PCSK6: variants seen among roughly 807,000 people sequenced by gnomAD.
PCSK6 encodes proprotein convertase subtilisin/kexin type 6.
PCSK6 carries 85 observed loss-of-function variants against 123.3 expected under a neutral mutation model. The observed-to-expected ratio is 0.69, with a 90% CI of 0.58 to 0.83. The LOEUF (loss-of-function observed/expected upper bound fraction) is 0.83. Ranked by LOEUF, PCSK6 falls within the 40% of genes least tolerant of loss-of-function variation. The probability of loss-of-function intolerance (pLI) is 0.00; values close to 1 mark genes in which losing one functional copy is unlikely to be tolerated. For missense variants in PCSK6, 1,191 were observed against 1,282.3 expected (o/e 0.93, Z 1.09); for synonymous variants, 508 against 516.0 (o/e 0.98, Z 0.21).
chr15:101,324,820 A>G, intron 17 of PCSK6, 30 bp downstream of exon 17: 1 of 1,574,354 alleles, frequency 6.4e-7, no homozygotes, highest in Non-Finnish European at 8.7e-7. Flanking sequence ...CTGGCTCATC[A>G]GTTCTTGTAC....
intron 1 of PCSK6, among the ~76,000 whole-genome samples, chr15:101,463,874 A>AC (rs1401082048): frequency 2.0e-5 from 3 of 152,192 alleles, no homozygotes; most frequent in Non-Finnish European, 2.9e-5. Context: ...AAGGGGAAAA[A>AC]GAAATTGAAA....
chr15:101,344,037 C>G (rs995690046), intron 13 of PCSK6, among the ~76,000 whole-genome samples: 37 of 152,052 alleles, frequency 2.4e-4, no homozygotes, highest in Middle Eastern at 3.4e-3. Flanking sequence ...GATTGCGTCA[C>G]TGCACTCCAG....
chr15:101,328,545 G>C (rs375717576), intron 15 of PCSK6, among the ~76,000 whole-genome samples: 14 of 152,284 alleles, frequency 9.2e-5, no homozygotes, highest in African/African-American at 3.4e-4. Flanking sequence ...CCTCGGAGGA[G>C]GACAGCCTTG....
intron 13 of PCSK6, among the ~76,000 whole-genome samples, chr15:101,332,943 TTGACTTTACAA>T (rs2040400640): frequency 6.6e-6 from 1 of 152,248 alleles, no homozygotes; most frequent in Non-Finnish European, 1.5e-5. Context: ...TTACAATTTT[TTGACTTTACAA>T]TGGTGTGGAA....
chr15:101,460,856 A>G (rs2057325499), intron 1 of PCSK6, among the ~76,000 whole-genome samples: 1 of 152,222 alleles, frequency 6.6e-6, no homozygotes, highest in Admixed American at 6.5e-5. Context: ...AATGATAATG[A>G]AAATACTATT....
In PCSK6 at chr15:101,489,683, C is replaced by G; in HGVS notation, c.-13G>C. The G allele has an allele frequency of 1.0e-6, 1 of 972,854 alleles. No individual in the cohort carries two copies. 60.3% of individuals were successfully genotyped at this position (972,854 alleles called of 1,614,324 possible). A position where few individuals can be genotyped will look rare whatever the true frequency, so the allele number is the denominator to read the frequency against. On this transcript the variant is annotated 5_prime_UTR_variant, in exon 1 of 22. Coordinates refer to ENST00000611716, the MANE Select transcript of PCSK6 (RefSeq NM_002570.5). ...CGCGCGGAGGCATAGCGGCGACAGGCTCGCGCGGCGCCCGAGCTGCGAGTG... is the reference window on the plus strand; with the variant it reads ...CGCGCGGAGGCATAGCGGCGACAGGGTCGCGCGGCGCCCGAGCTGCGAGTG...
chr15:101,316,052 T>C (rs2039984114), intron 19 of PCSK6, among the ~76,000 whole-genome samples: 1 of 152,086 alleles, frequency 6.6e-6, no homozygotes, highest in African/African-American at 2.4e-5. Context: ...ACAGCAGTGG[T>C]CACTGAATGG....
At chr15:101,327,372 C>A (rs117316411) in intron 15 of PCSK6, among the ~76,000 whole-genome samples, 4 of 152,166 alleles carry the variant, frequency 2.6e-5, no homozygotes, top group Admixed American at 1.3e-4. Flanking sequence ...GGGCGGGGCA[C>A]GCTGCAGGGG....
intron 13 of PCSK6, among the ~76,000 whole-genome samples, chr15:101,353,871 C>G (rs2040966092): frequency 6.6e-6 from 1 of 152,202 alleles, no homozygotes; most frequent in African/African-American, 2.4e-5. Context: ...CAGTCAGGCT[C>G]TGGGTGGAGG....
chr15:101,319,466 A>G (rs2040067488), intron 18 of PCSK6, among the ~76,000 whole-genome samples: 1 of 152,238 alleles, frequency 6.6e-6, no homozygotes, highest in African/African-American at 2.4e-5. Flanking sequence ...AACCCTTGGA[A>G]TTATCAAAGT....
At chr15:101,455,723 C>T (rs961872898) in intron 1 of PCSK6, among the ~76,000 whole-genome samples, 3 of 152,198 alleles carry the variant, frequency 2.0e-5, no homozygotes, top group Non-Finnish European at 4.4e-5. Flanking sequence ...TAAAACCAGG[C>T]ACAGAGAAAC....
intron 13 of PCSK6, among the ~76,000 whole-genome samples, chr15:101,341,705 A>C (rs1251797475): frequency 6.6e-6 from 1 of 152,248 alleles, no homozygotes; most frequent in African/African-American, 2.4e-5. Flanking sequence ...CCAGAAGCCC[A>C]GTTTGATAAG....
chr15:101,304,916 C>T lies in PCSK6; in HGVS notation c.*342G>A, dbSNP rs1473329650. ...GAGAAGAGTGATGTGTGATGCCAAG[C>T]GCCTTTCTTTTCTGCTTTGGTCTTG... is the stretch of plus-strand genomic sequence containing the variant. On this transcript the variant is annotated 3_prime_UTR_variant, in exon 22 of 22. Transcript: ENST00000611716. 2 of 230,278 alleles carry T rather than the reference C, an allele frequency of 8.7e-6. No individual in the cohort carries two copies. Among genetic ancestry groups the T allele is most frequent in the Admixed American group, 1.1e-4 (2 of 18,966 alleles). 14.3% of individuals were successfully genotyped at this position (230,278 alleles called of 1,614,324 possible). A position where few individuals can be genotyped will look rare whatever the true frequency, so the allele number is the denominator to read the frequency against.
intron 7 of PCSK6, among the ~76,000 whole-genome samples, chr15:101,394,744 G>A (rs186444467): frequency 7.8e-4 from 119 of 152,338 alleles, no homozygotes; most frequent in East Asian, 2.7e-3. Context: ...GAGTGGACCC[G>A]CCTGCTCTGT....
intron 13 of PCSK6, chr15:101,347,342 T>A: frequency 1.6e-6 from 2 of 1,239,182 alleles, no homozygotes; most frequent in Non-Finnish European, 2.0e-6. Context: ...ATGAGAACAG[T>A]TATGCTCTTG....
chr15:101,347,134 A>C (rs1212560494), intron 13 of PCSK6: 1 of 1,231,844 alleles, frequency 8.1e-7, no homozygotes, highest in East Asian at 3.2e-5. Flanking sequence ...TGCACTTTCC[A>C]GAAATGAGAG....
At position 101,344,532 on chromosome 15, in the gene PCSK6, T is replaced by G. The variant is rs757445465; in HGVS notation, c.1859-12501A>C. 2.6e-4 allele frequency among the ~76,000 whole-genome samples: 40 copies of G among 152,246 alleles called. 1 individual carries two copies. Among genetic ancestry groups the G allele is most frequent in the Non-Finnish European group, 4.8e-4 (33 of 68,042 alleles). On this transcript the variant is annotated intron_variant, in intron 13 of 21. Coordinates refer to ENST00000611716, the MANE Select transcript of PCSK6 (RefSeq NM_002570.5). ...ATCTCCTCCCTCCCTCCTCTCCTGC[T>G]GGAGTTTCCCCTTGGCTGAACTCAA...
chr15:101,382,602 T>G (rs1567178557), intron 10 of PCSK6, among the ~76,000 whole-genome samples: 1 of 152,166 alleles, frequency 6.6e-6, no homozygotes, highest in Non-Finnish European at 1.5e-5. Flanking sequence ...ACCTCTCAGT[T>G]CACACAATTA....
At chr15:101,475,039 C>T (rs191551861) in intron 1 of PCSK6, among the ~76,000 whole-genome samples, 139 of 152,330 alleles carry the variant, frequency 9.1e-4, no homozygotes, top group African/African-American at 3.2e-3. Context: ...ATGGACCCCT[C>T]CAGGTCTGGC....
Sources: gnomAD v4.1 joint callset for allele counts (sites outside exome capture counted in the v4.1 genomes callset) on GRCh38, gnomAD v4.1.1 for gene constraint, MANE v1.5 for transcripts, NCBI Gene and HGNC (gene_info 2026-07-23, HGNC 2026-07-21) for gene names.